DNAJB14: variants seen among roughly 807,000 people sequenced by gnomAD.
DNAJB14 encodes DnaJ heat shock protein family (Hsp40) member B14.
DNAJB14 carries 22 observed loss-of-function variants against 48.4 expected under a neutral mutation model. The observed-to-expected ratio is 0.45, with a 90% CI of 0.32 to 0.65. The LOEUF (loss-of-function observed/expected upper bound fraction) is 0.65, where lower values mean the gene tolerates loss of function less well. Ranked by LOEUF, DNAJB14 falls within the 30% of genes least tolerant of loss-of-function variation. The probability of loss-of-function intolerance (pLI) is 0.03; values close to 1 mark genes in which losing one functional copy is unlikely to be tolerated. For synonymous variants in DNAJB14, 142 were observed against 158.7 expected (o/e 0.89, Z 0.79); for missense variants, 319 against 458.8 (o/e 0.70, Z 2.78).
At chr4:99,905,206 T>A (rs1725422371) in intron 6 of DNAJB14, among the ~76,000 whole-genome samples, 1 of 152,060 alleles carries the variant, frequency 6.6e-6, no homozygotes, top group Non-Finnish European at 1.5e-5. Context: ...ATTTAATCGA[T>A]ATTTTGCAAA....
intron 1 of DNAJB14, among the ~76,000 whole-genome samples, chr4:99,934,302 G>A (rs1553948333): frequency 1.3e-5 from 2 of 152,038 alleles, no homozygotes; most frequent in Non-Finnish European, 2.9e-5. Context: ...ATGAGTAAAA[G>A]AAAATGACAG....
chr4:99,943,663 A>G (rs1468656834), intron 1 of DNAJB14, among the ~76,000 whole-genome samples: 2 of 152,206 alleles, frequency 1.3e-5, no homozygotes, highest in Non-Finnish European at 2.9e-5. Flanking sequence ...CTGCTCAAAA[A>G]TAAGGTTACA....
Position 99,901,154 on chromosome 4 carries a change from T to A in DNAJB14, c.1016-2A>T. The stretch of plus-strand genomic sequence containing the variant: ...TTGCTGCATACTGCATATCTGTTTC[T>A]GTTAATAAAGAAAAATATTTTGCTA... On this transcript the variant is annotated splice_acceptor_variant, in intron 7 of 7. Transcript: ENST00000442697. LOFTEE classifies it high-confidence loss of function. The A allele has an allele frequency of 6.3e-7, 1 of 1,577,268 alleles. No homozygotes were observed. The highest frequency in any genetic ancestry group is 8.6e-7 in the Non-Finnish European group (1 of 1,167,330).
Position 99,935,785 on chromosome 4 carries a change from T to C in DNAJB14, c.134-5164A>G, listed in dbSNP as rs1726652657. Among the ~76,000 whole-genome samples the C allele has an allele frequency of 2.0e-5, 3 of 152,184 alleles. No homozygotes were observed. The South Asian group carries it at 6.2e-4, about 31-fold the overall frequency. On this transcript the variant is annotated intron_variant, in intron 1 of 7. Coordinates refer to ENST00000442697, the MANE Select transcript of DNAJB14 (RefSeq NM_001031723.4). ...CTTATTGGGACTCAAGAGACAGTCATGGCCAGGTGCGGTGGCTCACGCCTG... is the reference window on the plus strand; with the variant it reads ...CTTATTGGGACTCAAGAGACAGTCACGGCCAGGTGCGGTGGCTCACGCCTG...
intron 1 of DNAJB14, among the ~76,000 whole-genome samples, chr4:99,936,343 G>A (rs1178348738): frequency 6.6e-6 from 1 of 152,184 alleles, no homozygotes; most frequent in Non-Finnish European, 1.5e-5. Flanking sequence ...TACTAAAAAT[G>A]GAAGTGTGTG....
chr4:99,926,361 G>A (rs528561202), intron 2 of DNAJB14: 7 of 152,234 alleles, frequency 4.6e-5, no homozygotes, highest in African/African-American at 1.7e-4. Context: ...AAAAAGTCAC[G>A]TTCAGATCAA....
At chr4:99,912,382 T>A (rs375781878) in intron 3 of DNAJB14, among the ~76,000 whole-genome samples, 43 of 152,344 alleles carry the variant, frequency 2.8e-4, no homozygotes, top group African/African-American at 9.9e-4. Flanking sequence ...TCCCCTCATA[T>A]GAATTTTAGA....
At chr4:99,938,955 G>C (rs1175274147) in intron 1 of DNAJB14, among the ~76,000 whole-genome samples, 1 of 151,926 alleles carries the variant, frequency 6.6e-6, no homozygotes, top group African/African-American at 2.4e-5. Context: ...ATAACCATAA[G>C]ACAGGTGGAG....
chr4:99,939,667 GTC>G (rs1331225180), intron 1 of DNAJB14, among the ~76,000 whole-genome samples: 3 of 152,230 alleles, frequency 2.0e-5, no homozygotes, highest in African/African-American at 7.2e-5. Flanking sequence ...ATACTACACA[GTC>G]TTTGGCTCCA....
chr4:99,916,923 G>A (rs929706483), intron 3 of DNAJB14, among the ~76,000 whole-genome samples: 29 of 151,866 alleles, frequency 1.9e-4, no homozygotes, highest in Admixed American at 1.6e-3. Context: ...TCATGCAATC[G>A]AGAGATAGAG....
intron 3 of DNAJB14, among the ~76,000 whole-genome samples, chr4:99,921,509 G>C (rs1210151716): frequency 6.6e-6 from 1 of 152,160 alleles, no homozygotes; most frequent in Admixed American, 6.5e-5. Flanking sequence ...CAATATAGAA[G>C]TGGAAGAAAT....
intron 7 of DNAJB14, among the ~76,000 whole-genome samples, chr4:99,902,864 GGTT>G (rs1026687940): frequency 2.0e-5 from 3 of 152,066 alleles, no homozygotes; most frequent in African/African-American, 7.2e-5. Flanking sequence ...AATCTCACAG[GGTT>G]GTTGTGAAGA....
intron 2 of DNAJB14, chr4:99,927,219 C>T (rs999531522): frequency 2.6e-5 from 4 of 152,118 alleles, no homozygotes; most frequent in African/African-American, 9.7e-5. Context: ...CTGCCTGGTC[C>T]AGACTTTATA....
At position 99,923,197 on chromosome 4, in the gene DNAJB14, AGAGT is replaced by A; in HGVS notation, c.306-16_306-13del. 6.2e-7 allele frequency: 1 copy of A among 1,601,660 alleles called. No homozygotes were observed. The highest frequency in any genetic ancestry group is 8.5e-7 in the Non-Finnish European group (1 of 1,174,502). ...TACATTTGTTTATGCTGTGAACAAG[AGAGT>A]GTGTTATAATGTAAATTTCAAGGAA... On this transcript the variant is annotated splice_polypyrimidine_tract_variant and intron_variant, in intron 2 of 7. Transcript: ENST00000442697.
At chr4:99,914,584 G>C (rs1364882024) in intron 3 of DNAJB14, among the ~76,000 whole-genome samples, 3 of 151,876 alleles carry the variant, frequency 2.0e-5, no homozygotes, top group African/African-American at 7.3e-5. Flanking sequence ...CATGGCACAT[G>C]TATACATATG....
rs759530758 is a variant in DNAJB14 at position 99,903,841 on chromosome 4, G to A, written c.900C>T (p.Val300=). The change falls in exon 7 of 8, where the codon GTC becomes GTT. Residue 300 remains valine, a synonymous_variant. Transcript: ENST00000442697. ...TATATTCATTTTTGAAGTCCTTGTT[G>A]ACATAATAAACAACACCCAAGTTTT... ...QTENLGVVYY[V]NKDFKNEYKG... is the part of the protein sequence containing the mutation. 1 of 1,612,530 alleles carries A rather than the reference G, an allele frequency of 6.2e-7. No individual in the cohort carries two copies. Among genetic ancestry groups the A allele is most frequent in the Non-Finnish European group, 8.5e-7 (1 of 1,179,298 alleles).
intron 1 of DNAJB14, among the ~76,000 whole-genome samples, chr4:99,933,661 G>A (rs1191123110): frequency 6.6e-6 from 1 of 152,144 alleles, no homozygotes; most frequent in Non-Finnish European, 1.5e-5. Flanking sequence ...CATGGTCTAA[G>A]GGAGGTAGTG....
At position 99,900,888 on chromosome 4, in the gene DNAJB14, A is replaced by G. The variant is rs1442380718; in HGVS notation, c.*140T>C. The G allele has an allele frequency of 1.1e-6, 1 of 891,626 alleles. No homozygotes were observed. Among genetic ancestry groups the G allele is most frequent in the East Asian group, 3.0e-5 (1 of 33,634 alleles). 55.2% of individuals were successfully genotyped at this position (891,626 alleles called of 1,614,324 possible). A position where few individuals can be genotyped will look rare whatever the true frequency, so the allele number is the denominator to read the frequency against. On this transcript the variant is annotated 3_prime_UTR_variant, in exon 8 of 8. Coordinates refer to ENST00000442697, the MANE Select transcript of DNAJB14 (RefSeq NM_001031723.4). ...CTATTTAAAGGAGCCAGTAGGTCATAAACAGTCCAAGATTTCAGGAACCAA... is the reference window on the plus strand; with the variant it reads ...CTATTTAAAGGAGCCAGTAGGTCATGAACAGTCCAAGATTTCAGGAACCAA...
intron 7 of DNAJB14, among the ~76,000 whole-genome samples, chr4:99,903,188 G>GA (rs1023400795): frequency 6.6e-6 from 1 of 152,044 alleles, no homozygotes; most frequent in African/African-American, 2.4e-5. Context: ...AATCTTTATA[G>GA]ATGGAACTGT....
Sources: gnomAD v4.1 joint callset for allele counts (sites outside exome capture counted in the v4.1 genomes callset) on GRCh38, gnomAD v4.1.1 for gene constraint, MANE v1.5 for transcripts, NCBI Gene and HGNC (gene_info 2026-07-23, HGNC 2026-07-21) for gene names.